TNFRSF8: variants seen among roughly 807,000 people sequenced by gnomAD.
TNFRSF8 encodes TNF receptor superfamily member 8.
A neutral mutation model predicts 70.8 loss-of-function variants in TNFRSF8; 26 were observed. The ratio of observed to expected loss-of-function variants is 0.37; its 90% CI spans 0.27 to 0.51. The LOEUF is 0.51. TNFRSF8 is among the 20% of genes least tolerant of loss of function. TNFRSF8 has a pLI of 0.94. For synonymous variants in TNFRSF8, 356 were observed against 339.2 expected, an observed-to-expected ratio of 1.05 and a Z score of -0.54; for missense variants, 720 against 807.9, an observed-to-expected ratio of 0.89 and a Z score of 1.32.
intron 3 of TNFRSF8, among the ~76,000 whole-genome samples, chr1:12,103,445 A>C (rs1262084193): frequency 6.6e-6 from 1 of 152,052 alleles, no homozygotes; most frequent in Non-Finnish European, 1.5e-5. Flanking sequence ...ATATACCCTC[A>C]ACCCCCTTCC....
intron 10 of TNFRSF8, among the ~76,000 whole-genome samples, chr1:12,125,240 C>T (rs1490712675): frequency 2.6e-5 from 4 of 152,184 alleles, no homozygotes; most frequent in African/African-American, 7.2e-5. Context: ...AAGGGAAAAA[C>T]GAAGCGAGTT....
rs1230009038 is a variant in TNFRSF8 at position 12,141,778 on chromosome 1, G to A, written c.1544-509G>A. Among the ~76,000 whole-genome samples, 2 of 152,180 alleles carry A rather than the reference G, an allele frequency of 1.3e-5. No individual in the cohort carries two copies. Among genetic ancestry groups the A allele is most frequent in the Admixed American group, 6.5e-5 (1 of 15,278 alleles). On this transcript the variant is annotated intron_variant, in intron 14 of 14. Transcript: ENST00000263932. The surrounding 1 kb of genome is among the most constrained non-coding windows in gnomAD (Gnocchi z 5.4). ...GAAAGGGCCACCAGGCGGAGTGGGT[G>A]GTTTTTTTTTGGGGGATTTCTCCTA...
chr1:12,104,601 G>T, intron 4 of TNFRSF8, 70 bp downstream of exon 4: 1 of 1,583,306 alleles, frequency 6.3e-7, no homozygotes, highest in African/African-American at 1.3e-5. Flanking sequence ...GCCCACCCCA[G>T]TGCACTGTTG....
chr1:12,088,117 C>T lies in TNFRSF8; in HGVS notation c.151+3566C>T, dbSNP rs1641186524. Among the ~76,000 whole-genome samples, 1 of 152,112 alleles carries T rather than the reference C, an allele frequency of 6.6e-6. No individual in the cohort carries two copies. The highest frequency in any genetic ancestry group is 2.1e-4 in the South Asian group (1 of 4,824). Reference sequence around the variant, plus strand: ...TGGTGGAGGAAGGAAGCTGAGGGACCTTTGAGATTGAAAAATGTAGATGTC... The same window carrying T: ...TGGTGGAGGAAGGAAGCTGAGGGACTTTTGAGATTGAAAAATGTAGATGTC... On this transcript the variant is annotated intron_variant, in intron 2 of 14. Transcript: ENST00000263932. This position sits in a 1 kb window ranked among gnomAD's most constrained non-coding sequence, Gnocchi z 4.0.
intron 7 of TNFRSF8, among the ~76,000 whole-genome samples, chr1:12,114,725 A>G (rs1331428526): frequency 1.5e-5 from 1 of 67,668 alleles, no homozygotes; most frequent in Non-Finnish European, 3.1e-5. Context: ...TTTTTTTTTA[A>G]ATAGACAGAG....
intron 2 of TNFRSF8, 72 bp from the exon 3 acceptor site, chr1:12,097,029 G>C (rs994674693): frequency 8.7e-7 from 1 of 1,144,574 alleles, no homozygotes; most frequent in African/African-American, 1.5e-5. Flanking sequence ...AGGGATGAGA[G>C]GTGTGGGGCA....
rs1002226201 is a variant in TNFRSF8 at position 12,138,654 on chromosome 1, T to G, written c.1543+218T>G. Reference sequence around the variant, plus strand: ...GTGCGGATTCATGAGCCAGTGTGCATGAGATGCCTGCTGTTACTCATAAAA... The same window carrying G: ...GTGCGGATTCATGAGCCAGTGTGCAGGAGATGCCTGCTGTTACTCATAAAA... On this transcript the variant is annotated intron_variant, in intron 14 of 14. Transcript: ENST00000263932. The surrounding 1 kb of genome is among the most constrained non-coding windows in gnomAD (Gnocchi z 5.7). Among the ~76,000 whole-genome samples, 1 of 152,190 alleles carries G rather than the reference T, an allele frequency of 6.6e-6. No individual in the cohort carries two copies. The highest frequency in any genetic ancestry group is 1.5e-5 in the Non-Finnish European group (1 of 68,032).
At position 12,135,574 on chromosome 1, in the gene TNFRSF8, C is replaced by T. The variant is rs367753267; in HGVS notation, c.1310-14C>T. 2 of 1,613,956 alleles carry T rather than the reference C, an allele frequency of 1.2e-6. No homozygotes were observed. The highest frequency in any genetic ancestry group is 2.7e-5 in the African/African-American group (2 of 74,922). On this transcript the variant is annotated splice_polypyrimidine_tract_variant and intron_variant, in intron 12 of 14. Transcript: ENST00000263932. ...CAGACTCCTTGGTGAAGTTGCTGCT[C>T]TTGCTTTTTGCAGATTCCAGACCCA...
rs141485122 is a variant in TNFRSF8, at chr1:12,123,270, C to G, written c.947-14C>G. 2 of 1,605,610 alleles carry G rather than the reference C, an allele frequency of 1.2e-6. No individual in the cohort carries two copies. On this transcript the variant is annotated splice_polypyrimidine_tract_variant and intron_variant, in intron 8 of 14. Coordinates refer to ENST00000263932, the MANE Select transcript of TNFRSF8 (RefSeq NM_001243.5). ...CCTTGGCGCTGGTTCTCAGATGTTACGTCCCCTCTGCAGATATGGCTGAGA... is the reference window on the plus strand; with the variant it reads ...CCTTGGCGCTGGTTCTCAGATGTTAGGTCCCCTCTGCAGATATGGCTGAGA...
At chr1:12,087,980 A>G (rs968168781) in intron 2 of TNFRSF8, among the ~76,000 whole-genome samples, 3 of 152,032 alleles carry the variant, frequency 2.0e-5, no homozygotes, top group Admixed American at 1.3e-4. Context: ...AGAAGAAAAA[A>G]GAAAAACCCA....
intron 14 of TNFRSF8, among the ~76,000 whole-genome samples, chr1:12,140,366 A>G (rs1249124904): frequency 3.3e-5 from 5 of 152,200 alleles, no homozygotes; most frequent in Non-Finnish European, 7.4e-5. Flanking sequence ...GAGGGGTCAC[A>G]CTGGGGTCTG....
At chr1:12,131,782 C>G (rs187515234) in intron 12 of TNFRSF8, among the ~76,000 whole-genome samples, 168 of 152,174 alleles carry the variant, frequency 1.1e-3, no homozygotes, top group Admixed American at 2.6e-3. Flanking sequence ...GCGAGAGCCA[C>G]TGTGCCCAGC....
At chr1:12,116,883 C>T (rs1370617277) in intron 8 of TNFRSF8, among the ~76,000 whole-genome samples, 1 of 152,072 alleles carries the variant, frequency 6.6e-6, no homozygotes, top group Admixed American at 6.5e-5. Flanking sequence ...TGACTTGCTT[C>T]TAGGACCCCC....
At chr1:12,132,339 G>A (rs886659160) in intron 12 of TNFRSF8, among the ~76,000 whole-genome samples, 2 of 152,348 alleles carry the variant, frequency 1.3e-5, no homozygotes, top group South Asian at 2.1e-4. Context: ...TCATCATGTC[G>A]CCTTAGGCTA....
chr1:12,118,390 C>T (rs994523689), intron 8 of TNFRSF8, among the ~76,000 whole-genome samples: 4 of 152,114 alleles, frequency 2.6e-5, no homozygotes, highest in South Asian at 4.1e-4. Flanking sequence ...GGATTACAGG[C>T]GTGAGCCACC....
At position 12,109,583 on chromosome 1, in the gene TNFRSF8, A is replaced by G; in HGVS notation, c.439A>G (p.Thr147Ala). The G allele has an allele frequency of 6.8e-6, 11 of 1,613,624 alleles. No homozygotes were observed. The highest frequency in any genetic ancestry group is 9.3e-6 in the Non-Finnish European group (11 of 1,179,916). The stretch of plus-strand genomic sequence containing the variant: ...CCCTGCAGGCACGGCGCAGAAGAAC[A>G]CGGTCTGTGAGCCGGCTTCCCCAGG... ...VKFPGTAQKN[T>A]VCEPASPGVS... Residue 147 changes from threonine (T) to alanine (A), a missense_variant, in exon 5 of 15, where the codon ACG becomes GCG. Thr to Ala is a moderately conservative substitution (Grantham distance 58). Coordinates refer to ENST00000263932, the MANE Select transcript of TNFRSF8 (RefSeq NM_001243.5). The surrounding 1 kb of genome is among the most constrained non-coding windows in gnomAD (Gnocchi z 4.4).
Position 12,142,472 on chromosome 1 carries a change from C to T in TNFRSF8, c.1729C>T (p.Leu577Phe). The change falls in exon 15 of 15, where the codon CTC (leucine) becomes TTC (phenylalanine). Residue 577 changes from leucine (L) to phenylalanine (F), a missense_variant. Leu to Phe is a conservative substitution (Grantham distance 22, BLOSUM62 0). Coordinates refer to ENST00000263932, the MANE Select transcript of TNFRSF8 (RefSeq NM_001243.5). The surrounding 1 kb of genome is among the most constrained non-coding windows in gnomAD (Gnocchi z 5.0). Reference protein sequence around the residue: ...PPLGSCSDVMLSVEEEGKEDP... With the variant: ...PPLGSCSDVMFSVEEEGKEDP... ...TCTGGGCAGCTGCAGCGATGTCATGCTCTCAGTGGAAGAGGAAGGGAAAGA... is the reference window on the plus strand; with the variant it reads ...TCTGGGCAGCTGCAGCGATGTCATGTTCTCAGTGGAAGAGGAAGGGAAAGA... 2 of 1,608,322 alleles carry T rather than the reference C, an allele frequency of 1.2e-6. No homozygotes were observed. The highest frequency in any genetic ancestry group is 1.7e-6 in the Non-Finnish European group (2 of 1,177,576).
At chr1:12,106,823 T>C (rs536748121) in intron 4 of TNFRSF8, among the ~76,000 whole-genome samples, 1 of 152,250 alleles carries the variant, frequency 6.6e-6, no homozygotes, top group East Asian at 1.9e-4. Flanking sequence ...TGGACCTCGG[T>C]CTCCCCATCT....
Position 12,070,395 on chromosome 1 carries a change from C to T in TNFRSF8, c.63+6734C>T, listed in dbSNP as rs534399099. ...CCTCCCGAGTAGCTGGGACTACAGG[C>T]GCCCGCCACCACGCCTGGCTAATTT... On this transcript the variant is annotated intron_variant, in intron 1 of 14. Transcript: ENST00000263932. 4.7e-4 allele frequency among the ~76,000 whole-genome samples: 72 copies of T among 152,108 alleles called. No homozygotes were observed. In the Middle Eastern group the frequency reaches 0.01, roughly 22 times the overall value.
Sources: gnomAD v4.1 joint callset for allele counts (sites outside exome capture counted in the v4.1 genomes callset) on GRCh38, gnomAD v4.1.1 for gene constraint, Gnocchi (gnomAD v3.1) non-coding constraint, MANE v1.5 for transcripts, NCBI Gene and HGNC (gene_info 2026-07-23, HGNC 2026-07-21) for gene names.